PCDHGB2: variants seen among roughly 807,000 people sequenced by gnomAD.
The protein encoded by PCDHGB2 is protocadherin gamma subfamily B, 2.
A neutral mutation model predicts 59.3 loss-of-function variants in PCDHGB2; 55 were observed. That is an observed-to-expected ratio of 0.93 (90% CI 0.75 to 1.16). PCDHGB2 has a LOEUF of 1.16. PCDHGB2 is among the 50% of genes most tolerant of loss of function. The pLI, the probability that PCDHGB2 is intolerant of heterozygous loss-of-function variation, is 0.00. For missense variants in PCDHGB2, 1,228 were observed against 1,198.5 expected, an observed-to-expected ratio of 1.02 and a Z score of -0.36; for synonymous variants, 516 against 512.0, an observed-to-expected ratio of 1.01 and a Z score of -0.11.
rs980944782 is a variant in PCDHGB2 at position 141,487,625 on chromosome 5, T to C, written c.2422-7182T>C. On this transcript the variant is annotated intron_variant, in intron 1 of 3. Coordinates refer to ENST00000522605, the MANE Select transcript of PCDHGB2 (RefSeq NM_018923.3). This position sits in a 1 kb window ranked among gnomAD's most constrained non-coding sequence, Gnocchi z 5.0. ...TCTCTATGGGCTAGAGGTGAGACCT[T>C]TGCAGGCTCAACAAATGCTTGAGGG... 4 of 1,614,090 alleles carry C rather than the reference T, an allele frequency of 2.5e-6. No homozygotes were observed. Among genetic ancestry groups the C allele is most frequent in the Admixed American group, 3.3e-5 (2 of 60,004 alleles).
intron 1 of PCDHGB2, chr5:141,393,748 G>A (rs368249829): frequency 1.2e-6 from 2 of 1,613,866 alleles, no homozygotes; most frequent in Non-Finnish European, 8.5e-7. Flanking sequence ...TATGAAGAAT[G>A]TTCATTTTAT....
At chr5:141,428,241 A>C (rs1416124194) in intron 1 of PCDHGB2, 1 of 961,518 alleles carries the variant, frequency 1.0e-6, no homozygotes, top group Admixed American at 2.0e-5. Flanking sequence ...TGCAGGAGGC[A>C]CTGCCAGACT....
chr5:141,382,928 A>G (rs746763440), intron 1 of PCDHGB2: 9 of 1,582,188 alleles, frequency 5.7e-6, no homozygotes, highest in South Asian at 3.4e-5. Flanking sequence ...GGCGGGGACT[A>G]CAGAGGATTC....
rs772255956 is a variant in PCDHGB2 at position 141,361,360 on chromosome 5, G to T, written c.1225G>T (p.Ala409Ser). ...KNYYKLVTDG[A>S]LDREEIPEYN... ...CTATTACAAACTAGTGACAGACGGC[G>T]CTCTGGACCGGGAGGAGATCCCAGA... The change falls in exon 1 of 4, where the codon GCT becomes TCT. Residue 409 changes from alanine to serine, a missense_variant. Ala to Ser is a moderately conservative substitution (Grantham distance 99). Around this residue, in one of 3 missense-constraint regions of PCDHGB2, gnomAD observed 781 missense variants for 721.6 expected, o/e 1.08. Coordinates refer to ENST00000522605, the MANE Select transcript of PCDHGB2 (RefSeq NM_018923.3). 3.1e-6 allele frequency: 5 copies of T among 1,613,944 alleles called. No homozygotes were observed. In the Admixed American group the frequency reaches 5.0e-5, roughly 16 times the overall value.
chr5:141,385,483 A>T (rs981503954), intron 1 of PCDHGB2: 8 of 1,423,220 alleles, frequency 5.6e-6, no homozygotes, highest in Non-Finnish European at 7.3e-6. Context: ...TTAATATAGA[A>T]CACATAGGAT....
chr5:141,374,410 T>G, intron 1 of PCDHGB2: 1 of 1,614,012 alleles, frequency 6.2e-7, no homozygotes. Context: ...TTAACATCCT[T>G]GTCGAGGATA....
chr5:141,444,525 C>T (rs2098439670), intron 1 of PCDHGB2, among the ~76,000 whole-genome samples: 1 of 152,062 alleles, frequency 6.6e-6, no homozygotes, highest in African/African-American at 2.4e-5. Context: ...GTAGGTGAGA[C>T]AGTGACTGTG....
At position 141,507,794 on chromosome 5, in the gene PCDHGB2, C is replaced by CT. The variant is rs576191739; in HGVS notation, c.2569+2314dup. On this transcript the variant is annotated intron_variant, in intron 3 of 3. Coordinates refer to ENST00000522605, the MANE Select transcript of PCDHGB2 (RefSeq NM_018923.3). ...CACAGGGCCTGACCCTCGTCTAAGC[C>CT]TGCGCCCTGGGGAACGGACCCTGGG... 7.9e-4 allele frequency among the ~76,000 whole-genome samples: 120 copies of CT among 152,356 alleles called. 2 individuals carry two copies. The highest frequency in any genetic ancestry group is 2.8e-3 in the African/African-American group (115 of 41,592).
intron 1 of PCDHGB2, chr5:141,399,474 C>T (rs1282833757): frequency 6.2e-7 from 1 of 1,614,032 alleles, no homozygotes; most frequent in South Asian, 1.1e-5. Flanking sequence ...CGGTTTTCCA[C>T]CAGGCGTCCT....
chr5:141,478,633 TGATGAA>T, intron 1 of PCDHGB2: 4 of 1,553,032 alleles, frequency 2.6e-6, no homozygotes, highest in Non-Finnish European at 3.5e-6. Flanking sequence ...GTTTTTTTAG[TGATGAA>T]GATGTTTTCC....
intron 1 of PCDHGB2, chr5:141,404,421 C>T (rs199749783): frequency 1.2e-6 from 2 of 1,613,574 alleles, no homozygotes; most frequent in Non-Finnish European, 1.7e-6. Flanking sequence ...GTTATTTACT[C>T]CTTGGCAGAG....
At chr5:141,429,735 T>C (rs911956546) in intron 1 of PCDHGB2, among the ~76,000 whole-genome samples, 1 of 152,202 alleles carries the variant, frequency 6.6e-6, no homozygotes. Flanking sequence ...ACGTAGCCAG[T>C]TATTTCTTAG....
chr5:141,414,000 A>T (rs759228883), intron 1 of PCDHGB2: 2 of 1,613,282 alleles, frequency 1.2e-6, no homozygotes, highest in African/African-American at 2.7e-5. Flanking sequence ...ACAGGGACGA[A>T]GGTGCCAATG....
At chr5:141,494,926 G>C in intron 2 of PCDHGB2, 61 bp downstream of exon 2, 2 of 1,613,498 alleles carry the variant, frequency 1.2e-6, no homozygotes, top group Non-Finnish European at 1.7e-6. Context: ...GGATGACGTG[G>C]GAGGAGATGG....
At position 141,476,161 on chromosome 5, in the gene PCDHGB2, G is replaced by A. The variant is rs748660112; in HGVS notation, c.2422-18646G>A. 21 of 1,613,012 alleles carry A rather than the reference G, an allele frequency of 1.3e-5. No homozygotes were observed. Among genetic ancestry groups the A allele is most frequent in the Non-Finnish European group, 1.8e-5 (21 of 1,179,922 alleles). On this transcript the variant is annotated intron_variant, in intron 1 of 3. Transcript: ENST00000522605. The surrounding 1 kb of genome is among the most constrained non-coding windows in gnomAD (Gnocchi z 7.6). ...GGAGCGGACTGGTAAGCACCGGGAG[G>A]GTAGTGGGAGTTTTGCTTCTGCTTG... is the stretch of plus-strand genomic sequence containing the variant.
intron 1 of PCDHGB2, chr5:141,378,418 G>T (rs1018299998): frequency 6.6e-6 from 1 of 152,330 alleles, no homozygotes; most frequent in African/African-American, 2.4e-5. Flanking sequence ...AGCTACTCGG[G>T]AGGCTGAGGC....
chr5:141,361,632 G>A lies in PCDHGB2; in HGVS notation c.1497G>A (p.Arg499=). 2 of 1,613,910 alleles carry A rather than the reference G, an allele frequency of 1.2e-6. No homozygotes were observed. The highest frequency in any genetic ancestry group is 1.7e-6 in the Non-Finnish European group (2 of 1,179,906). Reference sequence around the variant, plus strand: ...TCGTAGCGAGCGACCTGAAGCCGCGGGAGATTTTATCCTACGTGTCCGTGA... The same window carrying A: ...TCGTAGCGAGCGACCTGAAGCCGCGAGAGATTTTATCCTACGTGTCCGTGA... ...YSIVASDLKP[R]EILSYVSVSA... Residue 499 remains arginine (R), a synonymous_variant, in exon 1 of 4, where the codon CGG becomes CGA. Coordinates refer to ENST00000522605, the MANE Select transcript of PCDHGB2 (RefSeq NM_018923.3).
At chr5:141,400,186 TACCTAG>T (rs1474148355) in intron 1 of PCDHGB2, 1 of 1,614,068 alleles carries the variant, frequency 6.2e-7, no homozygotes, top group Non-Finnish European at 8.5e-7. Flanking sequence ...GCTGCAGTTT[TACCTAG>T]TGGTGGCCTT....
chr5:141,443,820 T>C (rs1329478151), intron 1 of PCDHGB2, among the ~76,000 whole-genome samples: 1 of 151,986 alleles, frequency 6.6e-6, no homozygotes. Flanking sequence ...TTGGAAAACA[T>C]AATTAGGTAA....
Sources: allele counts gnomAD v4.1 joint callset (sites outside exome capture counted in the v4.1 genomes callset), GRCh38; gene constraint gnomAD v4.1.1; regional missense constraint gnomAD v4.1.1; non-coding constraint Gnocchi (gnomAD v3.1); transcripts MANE v1.5; gene names NCBI Gene and HGNC (gene_info 2026-07-23, HGNC 2026-07-21).